RBFOX3: variants seen among roughly 807,000 people sequenced by gnomAD.
The protein encoded by RBFOX3 is RNA binding fox-1 homolog 3.
RBFOX3 carries 17 observed loss-of-function variants against 48.7 expected under a neutral mutation model. That is an observed-to-expected ratio of 0.35 (90% confidence interval 0.24 to 0.52). The LOEUF (loss-of-function observed/expected upper bound fraction) is 0.52, where lower values mean the gene tolerates loss of function less well. RBFOX3 is among the 20% of genes least tolerant of loss of function. The pLI is 0.94. For missense variants in RBFOX3, 382 were observed against 497.5 expected, an observed-to-expected ratio of 0.77 and a Z score of 2.21; for synonymous variants, 212 against 209.5, an observed-to-expected ratio of 1.01 and a Z score of -0.10.
chr17:79,445,666 G>T (rs1195334607), intron 2 of RBFOX3, among the ~76,000 whole-genome samples: 1 of 152,218 alleles, frequency 6.6e-6, no homozygotes, highest in Non-Finnish European at 1.5e-5. Context: ...CAAAGCCGGG[G>T]AGGCAGAAGA....
intron 3 of RBFOX3, among the ~76,000 whole-genome samples, chr17:79,241,542 G>T (rs1362934156): frequency 6.6e-6 from 1 of 152,178 alleles, no homozygotes; most frequent in Non-Finnish European, 1.5e-5. Context: ...AAGGTGCTGA[G>T]GAAGGTGACT....
At position 79,176,659 on chromosome 17, in the gene RBFOX3, G is replaced by C. The variant is rs146412363; in HGVS notation, c.-34+59107C>G. Among the ~76,000 whole-genome samples, 45 of 152,344 alleles carry C rather than the reference G, an allele frequency of 3.0e-4. 1 individual carries two copies. In the East Asian group the frequency reaches 8.5e-3, roughly 29 times the overall value. ...CTGGTGGATGGGTTGGCTGGAGGGG[G>C]TTTCCCAGGGGCCTAGTTAGAGCCT... On this transcript the variant is annotated intron_variant, in intron 4 of 14. Transcript: ENST00000693108.
At chr17:79,094,736 A>C (rs1189351663) in intron 13 of RBFOX3, among the ~76,000 whole-genome samples, 1 of 133,054 alleles carries the variant, frequency 7.5e-6, no homozygotes. Flanking sequence ...ACAACAGGCA[A>C]CCCTCTCAAT....
chr17:79,155,177 G>A lies in RBFOX3; in HGVS notation c.-33-39429C>T, dbSNP rs565775039. ...CTAGTGCCGCGTCCCTCCCCGCCCG[G>A]GGCTCTGTGCCTTGGTGAGGTTTTA... On this transcript the variant is annotated intron_variant, in intron 4 of 14. Coordinates refer to ENST00000693108, the MANE Select transcript of RBFOX3 (RefSeq NM_001350451.2). Among the ~76,000 whole-genome samples the A allele has an allele frequency of 2.6e-5, 4 of 152,346 alleles. No individual in the cohort carries two copies. The East Asian group carries it at 5.8e-4, about 22-fold the overall frequency.
At chr17:79,380,184 A>T (rs2059724457) in intron 2 of RBFOX3, among the ~76,000 whole-genome samples, 1 of 149,978 alleles carries the variant, frequency 6.7e-6, no homozygotes, top group South Asian at 2.1e-4. Context: ...AATCTCCACA[A>T]TCCCCCCCTT....
At chr17:79,285,855 G>A (rs2377395) in intron 3 of RBFOX3, among the ~76,000 whole-genome samples, 67,375 of 151,952 alleles carry the variant, frequency 0.44, 15,504 homozygotes, top group East Asian at 0.56. Flanking sequence ...AGGTAATTTT[G>A]TATTTTTAAT....
chr17:79,439,261 C>T (rs1043519685), intron 2 of RBFOX3, among the ~76,000 whole-genome samples: 1 of 152,234 alleles, frequency 6.6e-6, no homozygotes, highest in African/African-American at 2.4e-5. Context: ...GAGCAGCACC[C>T]CGCTCCCCAG....
chr17:79,448,175 G>A (rs1018996741), intron 2 of RBFOX3, among the ~76,000 whole-genome samples: 1 of 152,182 alleles, frequency 6.6e-6, no homozygotes, highest in South Asian at 2.1e-4. Context: ...TGTGAGAACA[G>A]ACTAATACAA....
intron 2 of RBFOX3, among the ~76,000 whole-genome samples, chr17:79,408,836 G>A (rs529571831): frequency 3.3e-5 from 5 of 152,110 alleles, no homozygotes; most frequent in South Asian, 4.2e-4. Flanking sequence ...ATTATTCATC[G>A]AGGTGAAATT....
At chr17:79,091,526 C>A (rs1337786392) in intron 14 of RBFOX3, among the ~76,000 whole-genome samples, 1 of 152,206 alleles carries the variant, frequency 6.6e-6, no homozygotes, top group Non-Finnish European at 1.5e-5. Flanking sequence ...CTGGCCAGTC[C>A]CAGGGCTGAG....
intron 4 of RBFOX3, among the ~76,000 whole-genome samples, chr17:79,211,819 C>T (rs756817775): frequency 1.2e-4 from 19 of 152,214 alleles, no homozygotes; most frequent in Non-Finnish European, 2.4e-4. Flanking sequence ...GCAACCACAA[C>T]GCTTTGCCCT....
At chr17:79,485,097 C>G (rs955560978) in intron 1 of RBFOX3, among the ~76,000 whole-genome samples, 6 of 152,088 alleles carry the variant, frequency 3.9e-5, no homozygotes, top group African/African-American at 1.2e-4. Context: ...CCCACCAGCC[C>G]CAAAGCAGAG....
intron 13 of RBFOX3, 102 bp from the exon 14 acceptor site, chr17:79,094,631 C>A (rs2074783720): frequency 2.7e-6 from 2 of 735,328 alleles, no homozygotes; most frequent in South Asian, 2.3e-5. Context: ...TACATGGGCA[C>A]CCTGTACCGA....
chr17:79,272,943 C>T (rs983299648), intron 3 of RBFOX3, among the ~76,000 whole-genome samples: 18 of 152,092 alleles, frequency 1.2e-4, no homozygotes, highest in African/African-American at 3.4e-4. Flanking sequence ...CAGGAGCCTC[C>T]GAGGGTGGTG....
At chr17:79,425,685 G>T (rs1473552998) in intron 2 of RBFOX3, among the ~76,000 whole-genome samples, 1 of 152,226 alleles carries the variant, frequency 6.6e-6, no homozygotes, top group Non-Finnish European at 1.5e-5. Context: ...AAGGAAGGGG[G>T]AGAAGACAGG....
At position 79,576,437 on chromosome 17, in the gene RBFOX3, G is replaced by A. The variant is rs916762766; in HGVS notation, c.-320+34389C>T. ...AGAAGATGGAGATGATGAAGAAGACGGAGATGATGGAGAAGGTGGAGATCA... is the reference window on the plus strand; with the variant it reads ...AGAAGATGGAGATGATGAAGAAGACAGAGATGATGGAGAAGGTGGAGATCA... On this transcript the variant is annotated intron_variant, in intron 1 of 14. Transcript: ENST00000693108. 5.9e-5 allele frequency among the ~76,000 whole-genome samples: 9 copies of A among 152,158 alleles called. No homozygotes were observed. In the South Asian group the frequency reaches 8.3e-4, roughly 14 times the overall value.
chr17:79,316,148 G>A lies in RBFOX3; in HGVS notation c.-174-8324C>T, dbSNP rs535853289. On this transcript the variant is annotated intron_variant, in intron 2 of 14. Transcript: ENST00000693108. ...AATTGGAGAGGGCGGGAGAGGCTGCGCGGAAGAGGAGAAGGGGTGGCTGGT... is the reference window on the plus strand; with the variant it reads ...AATTGGAGAGGGCGGGAGAGGCTGCACGGAAGAGGAGAAGGGGTGGCTGGT... Among the ~76,000 whole-genome samples the A allele has an allele frequency of 1.8e-4, 27 of 152,196 alleles. 1 individual carries two copies. Among genetic ancestry groups the A allele is most frequent in the Admixed American group, 1.4e-3 (22 of 15,286 alleles).
chr17:79,156,819 T>C (rs1024299664), intron 4 of RBFOX3, among the ~76,000 whole-genome samples: 4 of 152,194 alleles, frequency 2.6e-5, no homozygotes, highest in Non-Finnish European at 4.4e-5. Context: ...CCTGGCTTGC[T>C]GGAGTCCTTG....
chr17:79,624,826 C>T, the RBFOX3 span, among the ~76,000 whole-genome samples: 6 of 137,572 alleles, frequency 4.4e-5, no homozygotes, highest in East Asian at 5.3e-4. Context: ...CCCCACCCCC[C>T]GCCCCATCCC....
Sources: allele counts gnomAD v4.1 joint callset (sites outside exome capture counted in the v4.1 genomes callset), GRCh38; gene constraint gnomAD v4.1.1; transcripts MANE v1.5; gene names NCBI Gene and HGNC (gene_info 2026-07-23, HGNC 2026-07-21).